The following EDA variants were observed in gnomAD, a reference collection of about 807,000 sequenced individuals.
The protein encoded by EDA is ectodysplasin A, also known as ectodysplasin-A.
EDA carries 2 observed loss-of-function variants against 23.6 expected under a neutral mutation model. That is an observed-to-expected ratio of 0.08 (90% CI 0.03 to 0.27). The LOEUF (loss-of-function observed/expected upper bound fraction) is 0.27. EDA is among the 10% of genes least tolerant of loss of function. The probability of loss-of-function intolerance (pLI) is 1.00; values close to 1 mark genes in which losing one functional copy is unlikely to be tolerated. For synonymous variants in EDA, 131 were observed against 132.0 expected, an observed-to-expected ratio of 0.99 and a Z score of 0.05; for missense variants, 229 against 324.2, an observed-to-expected ratio of 0.71 and a Z score of 2.26.
rs777751539 is a variant in EDA at position 69,669,899 on chromosome X, T to G, written c.396+53195T>G. Among the ~76,000 whole-genome samples the G allele has an allele frequency of 2.1e-4, 24 of 112,078 alleles. No individual in the cohort carries two copies. In the South Asian group the frequency reaches 8.8e-3, roughly 41 times the overall value. ...TCTATGAGTTGTTCACTGTTTTGAC[T>G]TATAACCATACTAGAGTTATGTATG... On this transcript the variant is annotated intron_variant, in intron 1 of 7. Coordinates refer to ENST00000374552, the MANE Select transcript of EDA (RefSeq NM_001399.5).
At chrX:69,689,986 A>G (rs1934663605) in intron 1 of EDA, among the ~76,000 whole-genome samples, 1 of 111,859 alleles carries the variant, frequency 8.9e-6, no homozygotes, top group South Asian at 3.7e-4. Context: ...AAATAGAATT[A>G]GAGCTAATTT....
At chrX:69,843,146 T>C in intron 1 of EDA, among the ~76,000 whole-genome samples, 1 of 112,412 alleles carries the variant, frequency 8.9e-6, no homozygotes, top group East Asian at 2.8e-4. Context: ...AAAAATAAGG[T>C]GCAGCAATCC....
At chrX:69,825,763 C>T (rs2016408307) in intron 1 of EDA, among the ~76,000 whole-genome samples, 1 of 111,354 alleles carries the variant, frequency 9.0e-6, no homozygotes, top group African/African-American at 3.3e-5. Context: ...TTTGCTCTTG[C>T]TTTTCTAGTT....
chrX:69,712,901 T>C (rs2012133408), intron 1 of EDA, among the ~76,000 whole-genome samples: 4 of 111,041 alleles, frequency 3.6e-5, no homozygotes, highest in Admixed American at 9.6e-5. Flanking sequence ...GATGAGTTCA[T>C]GTCCTTTGTA....
At chrX:69,736,584 C>T (rs1381167806) in intron 1 of EDA, among the ~76,000 whole-genome samples, 2 of 110,665 alleles carry the variant, frequency 1.8e-5, no homozygotes, top group African/African-American at 3.3e-5. Context: ...CCACCTTGGC[C>T]TCCCAAAGTG....
chrX:69,894,292 A>G (rs748803495), intron 1 of EDA, among the ~76,000 whole-genome samples: 2 of 111,292 alleles, frequency 1.8e-5, no homozygotes, highest in Non-Finnish European at 3.8e-5. Context: ...CAGTACCAAT[A>G]TTTTTGGTTA....
intron 1 of EDA, among the ~76,000 whole-genome samples, chrX:69,720,401 A>G (rs949225801): frequency 8.9e-6 from 1 of 111,888 alleles, no homozygotes; most frequent in Non-Finnish European, 1.9e-5. Flanking sequence ...CTGGGTGTGT[A>G]TCTTTTACCA....
chrX:69,711,736 C>T (rs1383784241), intron 1 of EDA, among the ~76,000 whole-genome samples: 3 of 111,391 alleles, frequency 2.7e-5, no homozygotes, highest in Non-Finnish European at 1.9e-5. Flanking sequence ...GTGTATGTGT[C>T]GAGGAATTTA....
At chrX:69,713,697 G>A (rs2012189927) in intron 1 of EDA, among the ~76,000 whole-genome samples, 1 of 111,895 alleles carries the variant, frequency 8.9e-6, no homozygotes, top group Non-Finnish European at 1.9e-5. Context: ...TGTATTAATA[G>A]TTTGTTCCTT....
chrX:69,987,099 G>A (rs2019503850), intron 2 of EDA, among the ~76,000 whole-genome samples: 1 of 74,859 alleles, frequency 1.3e-5, no homozygotes, highest in African/African-American at 5.4e-5. Flanking sequence ...ACAGGAAGGG[G>A]AATATCACAC....
intron 1 of EDA, among the ~76,000 whole-genome samples, chrX:69,683,374 C>T (rs2147287704): frequency 9.0e-6 from 1 of 111,267 alleles, no homozygotes; most frequent in South Asian, 3.8e-4. Context: ...ATTGCAGTTT[C>T]CTTAGCCCAA....
At chrX:69,972,403 C>G (rs1488001942) in intron 2 of EDA, among the ~76,000 whole-genome samples, 1 of 111,542 alleles carries the variant, frequency 9.0e-6, no homozygotes, top group Non-Finnish European at 1.9e-5. Flanking sequence ...CCCTTTTCTT[C>G]TTGCTCAAGA....
chrX:69,988,868 A>T (rs1359748096), intron 2 of EDA, among the ~76,000 whole-genome samples: 4 of 111,587 alleles, frequency 3.6e-5, no homozygotes, highest in Non-Finnish European at 7.5e-5. Flanking sequence ...AAAGAAAAAA[A>T]ATTGTTTAAT....
chrX:69,693,153 G>C (rs1243720818), intron 1 of EDA: 1 of 111,308 alleles, frequency 9.0e-6, no homozygotes, highest in African/African-American at 3.3e-5. Flanking sequence ...CAGTCTGGGT[G>C]GGGAAAAATA....
intron 1 of EDA, among the ~76,000 whole-genome samples, chrX:69,815,821 A>G (rs920807978): frequency 2.7e-5 from 3 of 112,607 alleles, no homozygotes; most frequent in Admixed American, 9.4e-5. Context: ...GCACACTTGC[A>G]TTGCCCAAAA....
chrX:69,668,499 C>G (rs1933764092), intron 1 of EDA, among the ~76,000 whole-genome samples: 1 of 111,645 alleles, frequency 9.0e-6, no homozygotes, highest in African/African-American at 3.3e-5. Flanking sequence ...CAATTTAAAT[C>G]CAGTATTTCC....
chrX:69,851,393 A>C (rs2017130156), intron 1 of EDA, among the ~76,000 whole-genome samples: 1 of 112,391 alleles, frequency 8.9e-6, no homozygotes, highest in African/African-American at 3.2e-5. Context: ...GTTCTAACTA[A>C]ATTTAACCAG....
chrX:69,660,380 T>C (rs1243198927), intron 1 of EDA, among the ~76,000 whole-genome samples: 1 of 110,808 alleles, frequency 9.0e-6, no homozygotes, highest in African/African-American at 3.3e-5. Flanking sequence ...CTAGGGTACA[T>C]GTGCACAATG....
chrX:69,651,233 T>C (rs1316532450), intron 1 of EDA, among the ~76,000 whole-genome samples: 1 of 111,602 alleles, frequency 9.0e-6, no homozygotes, highest in Non-Finnish European at 1.9e-5. Context: ...TAAGATTTTA[T>C]AGAAACAATT....
Sources: allele counts gnomAD v4.1 joint callset (sites outside exome capture counted in the v4.1 genomes callset), GRCh38; gene constraint gnomAD v4.1.1; transcripts MANE v1.5; gene names NCBI Gene and HGNC (gene_info 2026-07-23, HGNC 2026-07-21).